The following EXOC6B variants were observed in gnomAD, a reference collection of about 807,000 sequenced individuals.
EXOC6B encodes the protein SEC15 homolog B.
A neutral mutation model predicts 113.5 loss-of-function variants in EXOC6B; 54 were observed. The ratio of observed to expected loss-of-function variants is 0.48; its 90% confidence interval spans 0.38 to 0.60. The LOEUF is 0.60. EXOC6B is among the 20% of genes least tolerant of loss of function. The pLI is 0.00. For synonymous variants in EXOC6B, 357 were observed against 339.0 expected, an observed-to-expected ratio of 1.05 and a Z score of -0.58; for missense variants, 797 against 977.5, an observed-to-expected ratio of 0.82 and a Z score of 2.46.
intron 19 of EXOC6B, among the ~76,000 whole-genome samples, chr2:72,376,691 G>A (rs1385628885): frequency 6.6e-6 from 1 of 152,054 alleles, no homozygotes; most frequent in East Asian, 1.9e-4. Context: ...ATTATTTAAA[G>A]CCCCTGTCTG....
chr2:72,761,318 G>T (rs1192244805), intron 1 of EXOC6B, among the ~76,000 whole-genome samples: 1 of 152,114 alleles, frequency 6.6e-6, no homozygotes. Flanking sequence ...TTCTACACAG[G>T]TGAACTCTAA....
intron 1 of EXOC6B, among the ~76,000 whole-genome samples, chr2:72,787,826 TG>T (rs753519571): frequency 5.9e-5 from 9 of 152,150 alleles, no homozygotes; most frequent in Non-Finnish European, 1.2e-4. Flanking sequence ...CTTGTAGAGA[TG>T]GGGTTTCACC....
chr2:72,517,370 T>C (rs1326959216), intron 8 of EXOC6B, among the ~76,000 whole-genome samples: 6 of 152,208 alleles, frequency 3.9e-5, no homozygotes, highest in Non-Finnish European at 8.8e-5. Flanking sequence ...TCATGGGTTA[T>C]GGTTTGTTGA....
intron 6 of EXOC6B, among the ~76,000 whole-genome samples, chr2:72,633,304 G>A (rs757117139): frequency 9.9e-5 from 15 of 152,212 alleles, no homozygotes; most frequent in Admixed American, 2.6e-4. Flanking sequence ...TACACTGTAT[G>A]TTGTTGTTGT....
At chr2:72,812,911 A>T (rs1686002095) in intron 1 of EXOC6B, among the ~76,000 whole-genome samples, 2 of 152,148 alleles carry the variant, frequency 1.3e-5, no homozygotes, top group Admixed American at 6.5e-5. Context: ...CATCAAAATT[A>T]AAAAAACTTG....
intron 17 of EXOC6B, among the ~76,000 whole-genome samples, chr2:72,465,857 G>A (rs1320313247): frequency 6.6e-6 from 1 of 152,044 alleles, no homozygotes; most frequent in East Asian, 1.9e-4. Context: ...TCTTCCCGTG[G>A]AATTCATGAG....
chr2:72,182,108 C>G (rs921299212), intron 21 of EXOC6B, among the ~76,000 whole-genome samples: 1 of 152,092 alleles, frequency 6.6e-6, no homozygotes, highest in Non-Finnish European at 1.5e-5. Context: ...CTGGGAGATA[C>G]GGATTGTAGT....
At chr2:72,808,827 C>T (rs1400462953) in intron 1 of EXOC6B, among the ~76,000 whole-genome samples, 2 of 152,028 alleles carry the variant, frequency 1.3e-5, no homozygotes, top group African/African-American at 4.8e-5. Flanking sequence ...AATTCCAACA[C>T]TTTGGGAGGC....
intron 18 of EXOC6B, among the ~76,000 whole-genome samples, chr2:72,401,950 G>A (rs771545985): frequency 2.6e-5 from 4 of 151,220 alleles, no homozygotes; most frequent in Non-Finnish European, 5.9e-5. Context: ...TGAGATTGCT[G>A]ACATAAGATT....
intron 11 of EXOC6B, among the ~76,000 whole-genome samples, chr2:72,503,125 C>T (rs1700416708): frequency 6.6e-6 from 1 of 151,932 alleles, no homozygotes; most frequent in African/African-American, 2.4e-5. Context: ...GGCTTTGGTA[C>T]TAGTTTGAAA....
chr2:72,498,421 C>G, intron 13 of EXOC6B, 33 bp downstream of exon 13: 1 of 1,419,122 alleles, frequency 7.0e-7, no homozygotes, highest in Non-Finnish European at 9.8e-7. Context: ...TGTACATGAA[C>G]ACACACACAT....
chr2:72,750,704 T>A (rs1260060493), intron 1 of EXOC6B, among the ~76,000 whole-genome samples: 2 of 152,114 alleles, frequency 1.3e-5, no homozygotes, highest in Non-Finnish European at 2.9e-5. Context: ...AGGTCTACAC[T>A]CATACTATCA....
In EXOC6B at chr2:72,217,110, T is replaced by C. The variant is rs147337308; in HGVS notation, c.2197-32923A>G. Among the ~76,000 whole-genome samples, 226 of 152,200 alleles carry C rather than the reference T, an allele frequency of 1.5e-3. 1 individual carries two copies. The highest frequency in any genetic ancestry group is 5.2e-3 in the African/African-American group (218 of 41,524). ...CCAAGGTATTCTCCCCTCTCCTATT[T>C]TGTAGCCCAATTTTGTGAACTAAAG... On this transcript the variant is annotated intron_variant, in intron 20 of 21. Coordinates refer to ENST00000272427, the MANE Select transcript of EXOC6B (RefSeq NM_015189.3).
chr2:72,367,557 C>T (rs897948614), intron 19 of EXOC6B, among the ~76,000 whole-genome samples: 9 of 148,474 alleles, frequency 6.1e-5, no homozygotes, highest in African/African-American at 2.2e-4. Flanking sequence ...AGACAGAAAA[C>T]CACTGGCACA....
intron 11 of EXOC6B, among the ~76,000 whole-genome samples, chr2:72,502,809 A>G (rs1057020078): frequency 1.3e-5 from 2 of 150,940 alleles, no homozygotes; most frequent in African/African-American, 4.9e-5. Context: ...TCCTTTCTAA[A>G]TCTCTATTAG....
intron 20 of EXOC6B, among the ~76,000 whole-genome samples, chr2:72,330,868 G>C (rs1688381752): frequency 6.6e-6 from 1 of 152,004 alleles, no homozygotes. Context: ...ACTCTGCCAA[G>C]ATGCCATGTA....
chr2:72,395,990 G>A (rs1205376514), intron 18 of EXOC6B, among the ~76,000 whole-genome samples: 2 of 151,944 alleles, frequency 1.3e-5, no homozygotes, highest in African/African-American at 2.4e-5. Context: ...GTCCCAGATA[G>A]AATTAAATAT....
chr2:72,299,546 G>A (rs951088808), intron 20 of EXOC6B, among the ~76,000 whole-genome samples: 7 of 151,876 alleles, frequency 4.6e-5, no homozygotes, highest in African/African-American at 1.5e-4. Flanking sequence ...CTCATTCTCC[G>A]TCCAGTTTTG....
At chr2:72,521,913 G>T (rs1414258221) in intron 8 of EXOC6B, among the ~76,000 whole-genome samples, 3 of 152,134 alleles carry the variant, frequency 2.0e-5, no homozygotes, top group Admixed American at 2.0e-4. Context: ...AGCCAGGATG[G>T]TCTCAATCTC....
Sources: allele counts gnomAD v4.1 joint callset (sites outside exome capture counted in the v4.1 genomes callset), GRCh38; gene constraint gnomAD v4.1.1; transcripts MANE v1.5; gene names NCBI Gene and HGNC (gene_info 2026-07-23, HGNC 2026-07-21).